Variants in MAL2 observed in about 807,000 individuals in gnomAD.
MAL2 encodes the protein protein MAL2.
A neutral mutation model predicts 18.1 loss-of-function variants in MAL2; 17 were observed. That is an observed-to-expected ratio of 0.94 (90% confidence interval 0.64 to 1.41). The LOEUF (loss-of-function observed/expected upper bound fraction) is 1.41. Ranked by LOEUF, MAL2 falls within the 40% of genes most tolerant of loss-of-function variation. The probability of loss-of-function intolerance (pLI) is 0.00; values close to 1 mark genes in which losing one functional copy is unlikely to be tolerated. For missense variants in MAL2, 222 were observed against 231.9 expected (o/e 0.96, Z 0.28); for synonymous variants, 102 against 102.3 (o/e 1.00, Z 0.02).
chr8:119,209,539 T>C (rs543950717), intron 1 of MAL2, among the ~76,000 whole-genome samples: 26 of 152,188 alleles, frequency 1.7e-4, no homozygotes, highest in Non-Finnish European at 3.1e-4. Context: ...GAATGGCAAA[T>C]AAAAAGTGAA....
chr8:119,230,661 T>A (rs1266758558), intron 2 of MAL2, among the ~76,000 whole-genome samples: 28 of 152,312 alleles, frequency 1.8e-4, no homozygotes, highest in Non-Finnish European at 4.4e-5. Context: ...TCTCTTTATT[T>A]AAAGATAAAC....
chr8:119,237,315 G>C (rs1372302864), intron 2 of MAL2, among the ~76,000 whole-genome samples: 1 of 151,196 alleles, frequency 6.6e-6, no homozygotes, highest in Non-Finnish European at 1.5e-5. Context: ...CAACCAAAAA[G>C]AGTCCAGGAC....
intron 2 of MAL2, among the ~76,000 whole-genome samples, chr8:119,238,404 T>A (rs551183677): frequency 7.2e-5 from 11 of 152,282 alleles, no homozygotes; most frequent in African/African-American, 2.6e-4. Context: ...AATGACTTTC[T>A]TCACAGAATT....
rs1426622526 is a variant in MAL2 at position 119,208,551 on chromosome 8, G to A, written c.79G>A (p.Ala27Thr). The A allele has an allele frequency of 2.1e-6, 3 of 1,396,840 alleles. No individual in the cohort carries two copies. The highest frequency in any genetic ancestry group is 1.6e-5 in the South Asian group (1 of 62,266). The allele number at this position is 1,396,840 out of a possible 1,614,324, so 86.5% of individuals were successfully genotyped here. Residue 27 changes from alanine (A) to threonine (T), a missense_variant, in exon 1 of 4, where the codon GCC becomes ACC. Coordinates refer to ENST00000614891, the MANE Select transcript of MAL2 (RefSeq NM_052886.3). This position sits in a 1 kb window ranked among gnomAD's most constrained non-coding sequence, Gnocchi z 4.3. ...SFPPPRVTLP[A>T]GPDILRTYSG... The stretch of plus-strand genomic sequence containing the variant: ...CCCGCCGCCCCGGGTCACCCTGCCC[G>A]CCGGCCCCGACATCCTGCGGACCTA...
intron 1 of MAL2, among the ~76,000 whole-genome samples, chr8:119,220,047 A>G (rs1817438208): frequency 6.6e-6 from 1 of 152,170 alleles, no homozygotes; most frequent in African/African-American, 2.4e-5. Context: ...TGTGAGGGGC[A>G]TAGTGGCAAG....
At chr8:119,216,601 A>G (rs1388234685) in intron 1 of MAL2, among the ~76,000 whole-genome samples, 2 of 152,168 alleles carry the variant, frequency 1.3e-5, no homozygotes, top group Admixed American at 6.6e-5. Context: ...GCCAGACTGG[A>G]AGACAAATAT....
intron 2 of MAL2, among the ~76,000 whole-genome samples, chr8:119,234,414 G>A (rs946258966): frequency 6.6e-6 from 1 of 152,234 alleles, no homozygotes; most frequent in Non-Finnish European, 1.5e-5. Context: ...GCTTGCTTAG[G>A]TAAACAAAGC....
At chr8:119,224,552 T>A (rs1817542535) in intron 2 of MAL2, among the ~76,000 whole-genome samples, 1 of 152,352 alleles carries the variant, frequency 6.6e-6, no homozygotes, top group East Asian at 1.9e-4. Context: ...AGATTTTTTT[T>A]ATTTCAATAG....
intron 2 of MAL2, among the ~76,000 whole-genome samples, chr8:119,232,439 A>C (rs897903970): frequency 3.3e-5 from 5 of 152,188 alleles, no homozygotes; most frequent in Non-Finnish European, 7.4e-5. Flanking sequence ...TGTGGGAGCT[A>C]TTAAAAATAA....
At chr8:119,234,237 T>G (rs1027523907) in intron 2 of MAL2, among the ~76,000 whole-genome samples, 1 of 152,038 alleles carries the variant, frequency 6.6e-6, no homozygotes, top group Non-Finnish European at 1.5e-5. Flanking sequence ...ACCCGAATAT[T>G]GCACTTTTCA....
chr8:119,232,836 TCCAA>T (rs1442490090), intron 2 of MAL2, among the ~76,000 whole-genome samples: 2,218 of 152,292 alleles, frequency 0.015, no homozygotes, highest in African/African-American at 0.051. Flanking sequence ...GGCATCTTAA[TCCAA>T]ATTAAAATTA....
At chr8:119,236,920 G>T (rs1344346191) in intron 2 of MAL2, among the ~76,000 whole-genome samples, 1 of 149,680 alleles carries the variant, frequency 6.7e-6, no homozygotes, top group Non-Finnish European at 1.5e-5. Context: ...AAAGCTAGCA[G>T]AAGGCAAGAA....
chr8:119,230,589 A>G (rs1322327321), intron 2 of MAL2, among the ~76,000 whole-genome samples: 1 of 152,152 alleles, frequency 6.6e-6, no homozygotes, highest in Non-Finnish European at 1.5e-5. Context: ...TGAAAAAGGT[A>G]TGTAATGGTA....
At chr8:119,227,506 C>CACT (rs1198443782) in intron 2 of MAL2, among the ~76,000 whole-genome samples, 3 of 152,178 alleles carry the variant, frequency 2.0e-5, no homozygotes, top group Non-Finnish European at 1.5e-5. Context: ...CTAGTACCTC[C>CACT]ACTGTGCTGT....
At chr8:119,221,884 C>A in intron 2 of MAL2, 127 bp downstream of exon 2, 1 of 992,840 alleles carries the variant, frequency 1.0e-6, no homozygotes. Flanking sequence ...ACCACAGAGA[C>A]TGCTGTGGTG....
At chr8:119,228,562 T>TATCA (rs1229964721) in intron 2 of MAL2, among the ~76,000 whole-genome samples, 8 of 151,970 alleles carry the variant, frequency 5.3e-5, no homozygotes, top group Admixed American at 4.6e-4. Flanking sequence ...TCCTTTGTGC[T>TATCA]ATCAGGCCAG....
At chr8:119,236,847 T>TC (rs1817910787) in intron 2 of MAL2, among the ~76,000 whole-genome samples, 1 of 149,904 alleles carries the variant, frequency 6.7e-6, no homozygotes, top group Admixed American at 6.6e-5. Flanking sequence ...GCAGGAAAGA[T>TC]CCAAAATTGA....
chr8:119,219,554 TGAGA>T (rs1427997027), intron 1 of MAL2, among the ~76,000 whole-genome samples: 1 of 145,112 alleles, frequency 6.9e-6, no homozygotes, highest in African/African-American at 2.5e-5. Flanking sequence ...TGTGTGTGTG[TGAGA>T]GAGAGAGACA....
At position 119,236,930 on chromosome 8, in the gene MAL2, A is replaced by C. The variant is rs925286036; in HGVS notation, c.304-3235A>C. On this transcript the variant is annotated intron_variant, in intron 2 of 3. Transcript: ENST00000614891. ...ATTCAAAAGCTAGCAGAAGGCAAGAAATAACTAAAATCAGAGCAGAACTGA... is the reference window on the plus strand; with the variant it reads ...ATTCAAAAGCTAGCAGAAGGCAAGACATAACTAAAATCAGAGCAGAACTGA... Among the ~76,000 whole-genome samples the C allele has an allele frequency of 1.1e-4, 17 of 150,194 alleles. No homozygotes were observed. In the East Asian group the frequency reaches 1.4e-3, roughly 12 times the overall value.
Sources: allele counts gnomAD v4.1 joint callset (sites outside exome capture counted in the v4.1 genomes callset), GRCh38; gene constraint gnomAD v4.1.1; non-coding constraint Gnocchi (gnomAD v3.1); transcripts MANE v1.5; gene names NCBI Gene and HGNC (gene_info 2026-07-23, HGNC 2026-07-21).